LTBP2: variants seen among roughly 807,000 people sequenced by gnomAD.
LTBP2 encodes the protein latent-transforming growth factor beta-binding protein 2.
LTBP2 carries 103 observed loss-of-function variants against 210.6 expected under a neutral mutation model. The ratio of observed to expected loss-of-function variants is 0.49; its 90% confidence interval spans 0.42 to 0.58. The LOEUF is 0.58. Among genes scored for constraint, LTBP2 ranks in the 20% least tolerant of loss-of-function variants. LTBP2 has a pLI of 0.00. For missense variants in LTBP2, 2,313 were observed against 2,494.5 expected (o/e 0.93, Z 1.55); for synonymous variants, 1,007 against 1,015.0 (o/e 0.99, Z 0.15).
At position 74,516,868 on chromosome 14, in the gene LTBP2, G is replaced by A. The variant is rs367825377; in HGVS notation, c.2862C>T (p.Cys954=). The A allele has an allele frequency of 1.4e-5, 21 of 1,551,756 alleles. No individual in the cohort carries two copies. Among genetic ancestry groups the A allele is most frequent in the Admixed American group, 3.9e-5 (2 of 51,024 alleles). ...QCTNTEGSYH[C]ECDQGYIMVR... Reference sequence around the variant, plus strand: ...CCATGATGTAGCCCTGATCACACTCGCAGTGGTACGAGCCCTCGGTGTTGG... The same window carrying A: ...CCATGATGTAGCCCTGATCACACTCACAGTGGTACGAGCCCTCGGTGTTGG... Residue 954 remains cysteine (C), a synonymous_variant, in exon 18 of 36, where the codon TGC becomes TGT. Transcript: ENST00000261978.
chr14:74,572,834 G>A (rs1469373353), intron 3 of LTBP2, among the ~76,000 whole-genome samples: 1 of 152,110 alleles, frequency 6.6e-6, no homozygotes, highest in African/African-American at 2.4e-5. Context: ...CGGATGGGGC[G>A]AACCTTCCCT....
At chr14:74,532,346 C>G in intron 10 of LTBP2, 80 bp downstream of exon 10, 1 of 1,595,322 alleles carries the variant, frequency 6.3e-7, no homozygotes, top group Non-Finnish European at 8.5e-7. Context: ...AAATTGCTGC[C>G]CTGGGCCTGG....
At chr14:74,554,725 T>G (rs1409304032) in intron 4 of LTBP2, among the ~76,000 whole-genome samples, 1 of 152,124 alleles carries the variant, frequency 6.6e-6, no homozygotes, top group East Asian at 1.9e-4. Flanking sequence ...TGTTGTGGAA[T>G]GAAATAGTGG....
chr14:74,501,313 T>G (rs2086907587), intron 35 of LTBP2, 128 bp downstream of exon 35: 1 of 1,430,106 alleles, frequency 7.0e-7, no homozygotes, highest in Non-Finnish European at 9.9e-7. Flanking sequence ...TTTGGCGCTT[T>G]CTTCCCTTCC....
intron 8 of LTBP2, 23 bp from the exon 9 acceptor site, chr14:74,536,023 G>A: frequency 1.2e-6 from 2 of 1,606,310 alleles, no homozygotes; most frequent in South Asian, 2.2e-5. Context: ...GATACGGACA[G>A]GTCTCACTGG....
chr14:74,516,521 G>T (rs1056859997), intron 18 of LTBP2, among the ~76,000 whole-genome samples: 1 of 152,164 alleles, frequency 6.6e-6, no homozygotes, highest in Non-Finnish European at 1.5e-5. Context: ...TCTGCCCCAT[G>T]AGAAGAGCAC....
chr14:74,542,704 T>C (rs2087523964), intron 8 of LTBP2, among the ~76,000 whole-genome samples: 1 of 151,690 alleles, frequency 6.6e-6, no homozygotes, highest in Non-Finnish European at 1.5e-5. Flanking sequence ...GACCCACATC[T>C]AATCCCAGGC....
intron 3 of LTBP2, among the ~76,000 whole-genome samples, chr14:74,583,204 T>A (rs1197484614): frequency 1.3e-5 from 2 of 152,084 alleles, no homozygotes; most frequent in Non-Finnish European, 2.9e-5. Flanking sequence ...CCATCACCAA[T>A]CCCTGCAGTG....
intron 8 of LTBP2, among the ~76,000 whole-genome samples, chr14:74,541,689 C>G (rs1481462739): frequency 6.6e-6 from 1 of 151,826 alleles, no homozygotes; most frequent in Non-Finnish European, 1.5e-5. Flanking sequence ...AGGTACCTGC[C>G]CAGTAGAAAA....
chr14:74,570,439 C>T (rs1056632260), intron 3 of LTBP2, among the ~76,000 whole-genome samples: 1 of 152,198 alleles, frequency 6.6e-6, no homozygotes, highest in African/African-American at 2.4e-5. Context: ...GTCAAAGATA[C>T]ACTTTCAGGA....
chr14:74,571,665 GA>G (rs1208158253), intron 3 of LTBP2, among the ~76,000 whole-genome samples: 1 of 152,226 alleles, frequency 6.6e-6, no homozygotes, highest in Non-Finnish European at 1.5e-5. Flanking sequence ...TTCTCCCCTG[GA>G]AGGGCGTGGC....
chr14:74,532,925 C>T (rs112774352), intron 9 of LTBP2, among the ~76,000 whole-genome samples: 159 of 152,292 alleles, frequency 1.0e-3, no homozygotes, highest in Middle Eastern at 3.4e-3. Context: ...CTGCAGTCTC[C>T]GCCTCCCAGG....
intron 17 of LTBP2, among the ~76,000 whole-genome samples, chr14:74,520,669 C>T (rs920762627): frequency 1.3e-5 from 2 of 152,100 alleles, no homozygotes; most frequent in African/African-American, 4.8e-5. Flanking sequence ...AGCGTGGTGG[C>T]AGGCGCCTGT....
In LTBP2 at chr14:74,509,778, C is replaced by A; in HGVS notation, c.3233G>T (p.Cys1078Phe). 1.9e-6 allele frequency: 3 copies of A among 1,614,130 alleles called. No individual in the cohort carries two copies. Among genetic ancestry groups the A allele is most frequent in the Non-Finnish European group, 2.5e-6 (3 of 1,180,034 alleles). The change falls in exon 21 of 36, where the codon TGT becomes TTT. Residue 1078 changes from cysteine to phenylalanine, a missense_variant. By Grantham distance (205) the Cys-to-Phe change is radical (BLOSUM62 -2). Transcript: ENST00000261978. ...TTCATTCACCCAGTACCCGTTCTCA[C>A]AGGCAGAGCAGGCGAAGGAGCCCTC... ...NTEGSFACSA[C>F]ENGYWVNEDG...
chr14:74,528,540 G>C lies in LTBP2; in HGVS notation c.2311C>G (p.Gln771Glu). 1.2e-6 allele frequency: 2 copies of C among 1,612,862 alleles called. No homozygotes were observed. The highest frequency in any genetic ancestry group is 1.7e-6 in the Non-Finnish European group (2 of 1,180,038). Reference protein sequence around the residue: ...SGALPGPAERQPLRVVTDTWL... With the variant: ...SGALPGPAEREPLRVVTDTWL... ...GTGTCCGTGACGACCCGGAGGGGCTGCCTCTCTGCTGGCCCGGGCAGTGCC... is the reference window on the plus strand; with the variant it reads ...GTGTCCGTGACGACCCGGAGGGGCTCCCTCTCTGCTGGCCCGGGCAGTGCC... The change falls in exon 12 of 36, where the codon CAG (glutamine) becomes GAG (glutamate). Residue 771 changes from glutamine to glutamate, a missense_variant. Gln to Glu is a conservative substitution (Grantham distance 29). Around this residue, in one of 3 missense-constraint regions of LTBP2, gnomAD observed 1,867 missense variants for 1,976.9 expected, o/e 0.94. Transcript: ENST00000261978.
chr14:74,534,661 C>T (rs1352779331), intron 9 of LTBP2, among the ~76,000 whole-genome samples: 1 of 152,180 alleles, frequency 6.6e-6, no homozygotes, highest in Non-Finnish European at 1.5e-5. Flanking sequence ...ACTGTCTTCT[C>T]CATCACTGTG....
At chr14:74,604,327 G>A (rs535403573) in intron 1 of LTBP2, among the ~76,000 whole-genome samples, 5 of 152,120 alleles carry the variant, frequency 3.3e-5, no homozygotes, top group South Asian at 2.1e-4. Context: ...CTCAGCCCCC[G>A]GCAGTCTGGT....
In LTBP2 at chr14:74,522,851, A is replaced by G; in HGVS notation, c.2598T>C (p.Asp866=). ...CAGGGCTGCAGACACATCTGTATCCATCGGGGAGGTTCACGCAGGTTCCAG... is the reference window on the plus strand; with the variant it reads ...CAGGGCTGCAGACACATCTGTATCCGTCGGGGAGGTTCACGCAGGTTCCAG... ...CGPGTCVNLP[D]GYRCVCSPGY... is the part of the protein sequence containing the mutation. Residue 866 remains aspartate, a synonymous_variant, in exon 16 of 36, where the codon GAT becomes GAC. Coordinates refer to ENST00000261978, the MANE Select transcript of LTBP2 (RefSeq NM_000428.3). 1 of 1,612,870 alleles carries G rather than the reference A, an allele frequency of 6.2e-7. No homozygotes were observed. Among genetic ancestry groups the G allele is most frequent in the Non-Finnish European group, 8.5e-7 (1 of 1,179,666 alleles).
At chr14:74,529,900 G>A (rs862028) in intron 10 of LTBP2, among the ~76,000 whole-genome samples, 4,523 of 152,320 alleles carry the variant, frequency 0.03, 183 homozygotes, top group East Asian at 0.16. Flanking sequence ...AAGAGGAGGA[G>A]AGTGGGCTGA....
Sources: gnomAD v4.1 joint callset for allele counts (sites outside exome capture counted in the v4.1 genomes callset) on GRCh38, gnomAD v4.1.1 for gene constraint, gnomAD v4.1.1 regional missense constraint, MANE v1.5 for transcripts, NCBI Gene and HGNC (gene_info 2026-07-23, HGNC 2026-07-21) for gene names.